Variants in DOCK3 observed in about 807,000 individuals in gnomAD.
DOCK3 encodes dedicator of cytokinesis protein 3.
DOCK3 carries 60 observed loss-of-function variants against 265.6 expected under a neutral mutation model. The ratio of observed to expected loss-of-function variants is 0.23; its 90% CI spans 0.18 to 0.28. DOCK3 has a LOEUF of 0.28. Ranked by LOEUF, DOCK3 falls within the 10% of genes least tolerant of loss-of-function variation. DOCK3 has a pLI of 1.00. For missense variants in DOCK3, 1,981 were observed against 2,594.3 expected, an observed-to-expected ratio of 0.76 and a Z score of 5.14; for synonymous variants, 881 against 938.0, an observed-to-expected ratio of 0.94 and a Z score of 1.11.
At chr3:51,226,338 T>C (rs529350239) in intron 15 of DOCK3, among the ~76,000 whole-genome samples, 14 of 152,306 alleles carry the variant, frequency 9.2e-5, no homozygotes, top group African/African-American at 3.4e-4. Flanking sequence ...TTCAGTCTAG[T>C]CATGGTAAAG....
At chr3:50,845,126 G>A (rs1224554457) in intron 3 of DOCK3, among the ~76,000 whole-genome samples, 1 of 152,080 alleles carries the variant, frequency 6.6e-6, no homozygotes, top group African/African-American at 2.4e-5. Flanking sequence ...GGGAGGCTGA[G>A]GCAGGAGAAT....
chr3:51,356,726 C>A (rs184896151), intron 43 of DOCK3, among the ~76,000 whole-genome samples: 5 of 152,296 alleles, frequency 3.3e-5, no homozygotes, highest in Admixed American at 1.3e-4. Flanking sequence ...GAAAACTATT[C>A]TCTGAGATTC....
At chr3:51,254,341 C>T (rs2079429710) in intron 22 of DOCK3, among the ~76,000 whole-genome samples, 1 of 152,166 alleles carries the variant, frequency 6.6e-6, no homozygotes, top group South Asian at 2.1e-4. Flanking sequence ...AATGTATATT[C>T]TTTTGATTTG....
intron 4 of DOCK3, among the ~76,000 whole-genome samples, chr3:50,920,312 C>T (rs2050370980): frequency 6.6e-6 from 1 of 152,114 alleles, no homozygotes; most frequent in Non-Finnish European, 1.5e-5. Context: ...GGAATAGTTT[C>T]AGAAGGAATG....
intron 12 of DOCK3, among the ~76,000 whole-genome samples, chr3:51,195,607 G>A (rs556506997): frequency 9.2e-5 from 14 of 152,064 alleles, no homozygotes; most frequent in African/African-American, 2.7e-4. Flanking sequence ...TAATAGAGAC[G>A]GGATGTCACC....
At chr3:51,146,690 G>T in intron 10 of DOCK3, 60 bp downstream of exon 10, 1 of 1,462,132 alleles carries the variant, frequency 6.8e-7, no homozygotes, top group South Asian at 1.2e-5. Flanking sequence ...CCTGCTATGT[G>T]GATACTGTCA....
chr3:51,010,363 C>G (rs1020252820), intron 5 of DOCK3, among the ~76,000 whole-genome samples: 4 of 152,100 alleles, frequency 2.6e-5, no homozygotes, highest in Non-Finnish European at 5.9e-5. Context: ...ATCCCTTTAC[C>G]ATTATATAAT....
At chr3:50,980,057 G>C (rs1268352065) in intron 5 of DOCK3, among the ~76,000 whole-genome samples, 1 of 152,152 alleles carries the variant, frequency 6.6e-6, no homozygotes, top group Non-Finnish European at 1.5e-5. Context: ...AAGGCTTTCA[G>C]CTTTTCCCCA....
intron 5 of DOCK3, among the ~76,000 whole-genome samples, chr3:50,948,072 T>TA (rs2076484346): frequency 7.3e-6 from 1 of 136,634 alleles, no homozygotes; most frequent in East Asian, 2.1e-4. Flanking sequence ...TTATTATTAT[T>TA]TTGAGGCAGA....
intron 27 of DOCK3, among the ~76,000 whole-genome samples, chr3:51,285,493 A>G (rs552602467): frequency 1.3e-5 from 2 of 151,914 alleles, no homozygotes; most frequent in Admixed American, 1.3e-4. Flanking sequence ...TACCAAACAA[A>G]TCATAGAGCT....
chr3:51,278,653 T>C (rs1486744982), intron 26 of DOCK3: 1 of 717,270 alleles, frequency 1.4e-6, no homozygotes, highest in Non-Finnish European at 1.7e-6. Context: ...CATTTCCTGG[T>C]AACCCAGCCT....
intron 21 of DOCK3, among the ~76,000 whole-genome samples, chr3:51,245,123 G>T (rs2078768222): frequency 6.6e-6 from 1 of 152,126 alleles, no homozygotes; most frequent in African/African-American, 2.4e-5. Context: ...GAGGCTAGGA[G>T]TTCGAGACCA....
At chr3:50,770,018 G>A (rs2675778) in intron 1 of DOCK3, among the ~76,000 whole-genome samples, 151,692 of 152,196 alleles carry the variant, frequency 1, 75,601 homozygotes, top group East Asian at 1. Context: ...AAATCAACAT[G>A]CAAAGCCTTT....
At chr3:51,104,249 A>G (rs2083190722) in intron 9 of DOCK3, among the ~76,000 whole-genome samples, 1 of 152,214 alleles carries the variant, frequency 6.6e-6, no homozygotes, top group African/African-American at 2.4e-5. Context: ...TTGGAACAAA[A>G]CGAACAAGGA....
chr3:50,742,238 G>T (rs2039092600), intron 1 of DOCK3, among the ~76,000 whole-genome samples: 1 of 152,128 alleles, frequency 6.6e-6, no homozygotes, highest in African/African-American at 2.4e-5. Context: ...AAACCACAAA[G>T]ATGGGGAAAA....
At chr3:50,715,146 T>C (rs1437299875) in intron 1 of DOCK3, among the ~76,000 whole-genome samples, 1 of 152,252 alleles carries the variant, frequency 6.6e-6, no homozygotes, top group East Asian at 1.9e-4. Context: ...TGGAAAATGC[T>C]CAGTGCATAT....
chr3:51,013,890 C>T (rs901393579), intron 5 of DOCK3, among the ~76,000 whole-genome samples: 1 of 152,204 alleles, frequency 6.6e-6, no homozygotes, highest in Non-Finnish European at 1.5e-5. Context: ...GGACGCCCCT[C>T]CCCCAGCCAT....
intron 35 of DOCK3, among the ~76,000 whole-genome samples, chr3:51,337,447 C>A (rs2084945840): frequency 6.6e-6 from 1 of 152,170 alleles, no homozygotes; most frequent in African/African-American, 2.4e-5. Flanking sequence ...TCCAACCTGA[C>A]CCTAGAAATC....
At chr3:51,276,900 A>T (rs2080847029) in intron 25 of DOCK3, among the ~76,000 whole-genome samples, 1 of 152,158 alleles carries the variant, frequency 6.6e-6, no homozygotes, top group Non-Finnish European at 1.5e-5. Context: ...CTATAATAGG[A>T]TAATAGACTC....
Sources: gnomAD v4.1 joint callset for allele counts (sites outside exome capture counted in the v4.1 genomes callset) on GRCh38, gnomAD v4.1.1 for gene constraint, MANE v1.5 for transcripts, NCBI Gene and HGNC (gene_info 2026-07-23, HGNC 2026-07-21) for gene names.